TRAPPC11: variants seen among roughly 807,000 people sequenced by gnomAD.
TRAPPC11 encodes the protein trafficking protein particle complex subunit 11, also known as foie gras homolog.
In TRAPPC11, 104 loss-of-function variants were observed where a neutral mutation model predicts 151.2. The ratio of observed to expected loss-of-function variants is 0.69; its 90% CI spans 0.59 to 0.81. The LOEUF (loss-of-function observed/expected upper bound fraction) is 0.81, where lower values mean the gene tolerates loss of function less well. Ranked by LOEUF, TRAPPC11 falls within the 30% of genes least tolerant of loss-of-function variation. The pLI is 0.00. For synonymous variants in TRAPPC11, 456 were observed against 472.3 expected (o/e 0.97, Z 0.45); for missense variants, 1,230 against 1,349.6 (o/e 0.91, Z 1.39).
chr4:183,697,070 T>C (rs1736573578), intron 23 of TRAPPC11, among the ~76,000 whole-genome samples: 1 of 152,168 alleles, frequency 6.6e-6, no homozygotes, highest in East Asian at 1.9e-4. Flanking sequence ...ACTCCTGTAG[T>C]ACCAGCACTT....
In TRAPPC11 at chr4:183,697,782, A is replaced by C; in HGVS notation, c.2798A>C (p.Gln933Pro). The C allele has an allele frequency of 1.9e-6, 3 of 1,614,030 alleles. No homozygotes were observed. The highest frequency in any genetic ancestry group is 2.2e-5 in the South Asian group (2 of 91,082). ...WALTIVSSELQLAPSMTTVDQ... is the reference protein window; with the variant it reads ...WALTIVSSELPLAPSMTTVDQ... ...CTCACTATTGTTTCCAGTGAGCTCC[A>C]GCTTGCTCCATCCATGACCACAGTG... is the stretch of plus-strand genomic sequence containing the variant. Residue 933 changes from glutamine to proline, a missense_variant, in exon 25 of 30, where the codon CAG (glutamine) becomes CCG (proline). Physicochemically the swap from Gln to Pro is moderately conservative, Grantham distance 76. Coordinates refer to ENST00000334690, the MANE Select transcript of TRAPPC11 (RefSeq NM_021942.6).
chr4:183,671,481 T>C (rs1178602918), intron 5 of TRAPPC11, among the ~76,000 whole-genome samples: 5 of 152,224 alleles, frequency 3.3e-5, no homozygotes. Flanking sequence ...TGCTCCTGCT[T>C]CTGCTCTTGT....
intron 27 of TRAPPC11, among the ~76,000 whole-genome samples, chr4:183,705,514 C>G (rs1737011269): frequency 6.6e-6 from 1 of 152,144 alleles, no homozygotes; most frequent in Non-Finnish European, 1.5e-5. Flanking sequence ...AGGCTGACTA[C>G]TACTCCCTCC....
At chr4:183,691,528 A>T in intron 19 of TRAPPC11, 57 bp downstream of exon 19, 1 of 1,048,636 alleles carries the variant, frequency 9.5e-7, no homozygotes, top group South Asian at 3.2e-5. Context: ...GTTTATATCA[A>T]TATTTTAAAT....
intron 27 of TRAPPC11, 136 bp from the exon 28 acceptor site, chr4:183,706,671 C>A: frequency 1.1e-6 from 1 of 910,208 alleles, no homozygotes; most frequent in South Asian, 2.0e-5. Flanking sequence ...AAAGAATTTT[C>A]TTATCCGGCA....
At chr4:183,672,281 A>G (rs980387735) in intron 5 of TRAPPC11, among the ~76,000 whole-genome samples, 1 of 152,210 alleles carries the variant, frequency 6.6e-6, no homozygotes, top group Non-Finnish European at 1.5e-5. Flanking sequence ...GGAATGTCAT[A>G]AAAAAGCATG....
chr4:183,710,317 T>A (rs931211161), intron 29 of TRAPPC11, among the ~76,000 whole-genome samples: 1 of 151,636 alleles, frequency 6.6e-6, no homozygotes, highest in African/African-American at 2.4e-5. Context: ...GACAGCGTCT[T>A]GCTCTGTTGC....
intron 5 of TRAPPC11, among the ~76,000 whole-genome samples, chr4:183,672,055 TA>T (rs1179166062): frequency 2.6e-5 from 4 of 152,212 alleles, no homozygotes; most frequent in Non-Finnish European, 5.9e-5. Context: ...CCTACCTTCA[TA>T]AAGAAGCTGA....
rs1051039486 is a variant in TRAPPC11 at position 183,659,344 on chromosome 4, G to T, written c.-125G>T. 1.0e-4 allele frequency: 20 copies of T among 194,072 alleles called. No individual in the cohort carries two copies. Among genetic ancestry groups the T allele is most frequent in the Non-Finnish European group, 8.4e-5 (8 of 95,282 alleles). 12.0% of individuals were successfully genotyped at this position (194,072 alleles called of 1,614,324 possible). ...AACTGGCTGTGGGGCTGCGGCGGTG[G>T]GGACGGGCCACGGCGTTCTGTGACA... is the stretch of plus-strand genomic sequence containing the variant. On this transcript the variant is annotated 5_prime_UTR_variant, in exon 1 of 30. Transcript: ENST00000334690.
Position 183,668,104 on chromosome 4 carries a change from G to T in TRAPPC11, c.547G>T (p.Gly183Cys). 1 of 1,602,122 alleles carries T rather than the reference G, an allele frequency of 6.2e-7. No individual in the cohort carries two copies. Among genetic ancestry groups the T allele is most frequent in the South Asian group, 1.1e-5 (1 of 90,042 alleles). The change falls in exon 5 of 30, where the codon GGT becomes TGT. Residue 183 changes from glycine to cysteine, a missense_variant. Coordinates refer to ENST00000334690, the MANE Select transcript of TRAPPC11 (RefSeq NM_021942.6). ...ACTGCCGCACACTGACCACCTTGTG[G>T]GTTATATTATAAGGTAAGTAGAGGT... is the stretch of plus-strand genomic sequence containing the variant. ...FVLPHTDHLV[G>C]YIIRLENAFY...
intron 27 of TRAPPC11, among the ~76,000 whole-genome samples, chr4:183,706,334 T>C (rs1426847440): frequency 1.3e-4 from 20 of 152,098 alleles, no homozygotes; most frequent in Admixed American, 1.3e-3. Context: ...CCATCCTGGC[T>C]AACACGGTGA....
In TRAPPC11 at chr4:183,683,965, T is replaced by G; in HGVS notation, c.1208-10T>G. ...GCTGTCTAAAATGAGTTGTGTCTCA[T>G]CTTACGCAGGTTTTGATCTTTCTGA... On this transcript the variant is annotated splice_polypyrimidine_tract_variant and intron_variant, in intron 11 of 29. Transcript: ENST00000334690. 1 of 1,612,752 alleles carries G rather than the reference T, an allele frequency of 6.2e-7. No individual in the cohort carries two copies. The highest frequency in any genetic ancestry group is 8.5e-7 in the Non-Finnish European group (1 of 1,178,774).
intron 28 of TRAPPC11, among the ~76,000 whole-genome samples, chr4:183,708,051 A>G (rs1737166478): frequency 6.6e-6 from 1 of 152,238 alleles, no homozygotes; most frequent in Non-Finnish European, 1.5e-5. Context: ...CTCTTTTTAC[A>G]AATTATCCCT....
rs1737099933 is a variant in TRAPPC11, at chr4:183,706,878, G to A, written c.3127G>A (p.Val1043Ile). 2 of 1,613,960 alleles carry A rather than the reference G, an allele frequency of 1.2e-6. No individual in the cohort carries two copies. Among genetic ancestry groups the A allele is most frequent in the African/African-American group, 2.7e-5 (2 of 74,912 alleles). Residue 1043 changes from valine to isoleucine, a missense_variant, in exon 28 of 30, where the codon GTT becomes ATT. Val to Ile is a conservative substitution (Grantham distance 29). Transcript: ENST00000334690. ...TCACCTACAGAATAAGACCGACTTA[G>A]TTCAAGATGTAGAAATTTCTGTGGA... The part of the protein sequence containing the change: ...KYHLQNKTDL[V>I]QDVEISVEPS...
rs185570336 is a variant in TRAPPC11 at position 183,683,970 on chromosome 4, C to T, written c.1208-5C>T. The T allele has an allele frequency of 1.1e-4, 170 of 1,612,686 alleles. 1 individual carries two copies. In the Middle Eastern group the frequency reaches 3.6e-3, roughly 34 times the overall value. On this transcript the variant is annotated splice_region_variant and splice_polypyrimidine_tract_variant and intron_variant, in intron 11 of 29. Coordinates refer to ENST00000334690, the MANE Select transcript of TRAPPC11 (RefSeq NM_021942.6). ...CTAAAATGAGTTGTGTCTCATCTTA[C>T]GCAGGTTTTGATCTTTCTGATCCTG...
Position 183,661,560 on chromosome 4 carries a change from A to C in TRAPPC11, c.-22+2113A>C, listed in dbSNP as rs1030658336. Among the ~76,000 whole-genome samples the C allele has an allele frequency of 2.4e-4, 36 of 151,394 alleles. 1 individual carries two copies. The highest frequency in any genetic ancestry group is 4.4e-5 in the Non-Finnish European group (3 of 67,854). On this transcript the variant is annotated intron_variant, in intron 1 of 29. Transcript: ENST00000334690. ...CTAATTTTTTGTGTTTTTAGTAGAGACGGGGTTTCACCATGTTAGCCAGGA... is the reference window on the plus strand; with the variant it reads ...CTAATTTTTTGTGTTTTTAGTAGAGCCGGGGTTTCACCATGTTAGCCAGGA...
At chr4:183,694,075 T>C in intron 22 of TRAPPC11, 37 bp downstream of exon 22, 1 of 1,605,850 alleles carries the variant, frequency 6.2e-7, no homozygotes, top group Non-Finnish European at 8.5e-7. Context: ...AGGAAATCAA[T>C]TAGTTTGTAG....
chr4:183,678,261 T>G (rs1237991768), intron 8 of TRAPPC11, among the ~76,000 whole-genome samples: 1 of 152,172 alleles, frequency 6.6e-6, no homozygotes, highest in African/African-American at 2.4e-5. Context: ...TACCTACTGT[T>G]TGAGCATTTT....
chr4:183,693,791 A>G lies in TRAPPC11; in HGVS notation c.2386+54A>G, dbSNP rs547518284. On this transcript the variant is annotated intron_variant, in intron 21 of 29. Coordinates refer to ENST00000334690, the MANE Select transcript of TRAPPC11 (RefSeq NM_021942.6). ...AGTATTAATCCAACATTAAATAAGC[A>G]TCAGTGATGTCAACTCTAGGACTTT... 8 of 1,603,742 alleles carry G rather than the reference A, an allele frequency of 5.0e-6. No individual in the cohort carries two copies. In the East Asian group the frequency reaches 1.1e-4, roughly 22 times the overall value.
Sources: allele counts gnomAD v4.1 joint callset (sites outside exome capture counted in the v4.1 genomes callset), GRCh38; gene constraint gnomAD v4.1.1; transcripts MANE v1.5; gene names NCBI Gene and HGNC (gene_info 2026-07-23, HGNC 2026-07-21).